Variants in PCDHA5 observed in about 807,000 individuals in gnomAD.
PCDHA5 encodes protocadherin alpha 5, also known as protocadherin alpha-5.
In PCDHA5, 43 loss-of-function variants were observed where a neutral mutation model predicts 61.6. The observed-to-expected ratio is 0.70, with a 90% confidence interval of 0.55 to 0.90. PCDHA5 has a LOEUF of 0.90. Ranked by LOEUF, PCDHA5 falls within the 40% of genes least tolerant of loss-of-function variation. The probability of loss-of-function intolerance (pLI) is 0.00; values close to 1 mark genes in which losing one functional copy is unlikely to be tolerated. For missense variants in PCDHA5, 1,298 were observed against 1,222.7 expected, an observed-to-expected ratio of 1.06 and a Z score of -0.92; for synonymous variants, 627 against 543.9, an observed-to-expected ratio of 1.15 and a Z score of -2.13.
chr5:140,941,194 TC>T lies in PCDHA5; in HGVS notation c.2353-37754del, dbSNP rs1420421121. 9.3e-3 allele frequency among the ~76,000 whole-genome samples: 1,044 copies of T among 112,328 alleles called. 8 individuals carry two copies. The highest frequency in any genetic ancestry group is 0.018 in the Admixed American group (200 of 11,012). 73.7% of individuals were successfully genotyped at this position (112,328 alleles called of 152,430 possible). The stretch of plus-strand genomic sequence containing the variant: ...CTTGAACATCCTGCTTCTTTTTTTT[TC>T]TTTCTTCCTTTCTTTCTTCCTTTCT... On this transcript the variant is annotated intron_variant, in intron 1 of 3. Coordinates refer to ENST00000529859, the MANE Select transcript of PCDHA5 (RefSeq NM_018908.3).
chr5:140,842,413 A>G (rs1206715629), intron 1 of PCDHA5: 5 of 1,613,082 alleles, frequency 3.1e-6, no homozygotes, highest in East Asian at 2.2e-5. Flanking sequence ...AAGACGCTCA[A>G]TTTGGTACTG....
At chr5:140,876,859 T>A in intron 1 of PCDHA5, 1 of 1,614,068 alleles carries the variant, frequency 6.2e-7, no homozygotes, top group Non-Finnish European at 8.5e-7. Flanking sequence ...GTACACAGTG[T>A]TCGTGAAGGA....
Position 140,899,596 on chromosome 5 carries a change from G to A in PCDHA5, c.2352+75469G>A, listed in dbSNP as rs567280301. On this transcript the variant is annotated intron_variant, in intron 1 of 3. Transcript: ENST00000529859. ...ATTCGGTTTGCCAGTATTTTATTGA[G>A]GACTTTTGCATCAATGTTCATCAAG... Among the ~76,000 whole-genome samples the A allele has an allele frequency of 7.2e-5, 11 of 152,196 alleles. No individual in the cohort carries two copies. In the East Asian group the frequency reaches 2.1e-3, roughly 29 times the overall value.
Position 140,821,836 on chromosome 5 carries a change from G to T in PCDHA5, c.61G>T (p.Ala21Ser). ...GCTCCTGCTGCTCTGGCTTCTCCTT[G>T]CCTACTGGAAGGCAGGGAGCGGCCA... Reference protein sequence around the residue: ...SRLLLLWLLLAYWKAGSGQLH... With the variant: ...SRLLLLWLLLSYWKAGSGQLH... The change falls in exon 1 of 4, where the codon GCC becomes TCC. Residue 21 changes from alanine (A) to serine (S), a missense_variant. Coordinates refer to ENST00000529859, the MANE Select transcript of PCDHA5 (RefSeq NM_018908.3). The T allele has an allele frequency of 6.2e-7, 1 of 1,614,108 alleles. No homozygotes were observed.
chr5:140,997,133 C>A (rs1554255761), intron 3 of PCDHA5, among the ~76,000 whole-genome samples: 3 of 152,090 alleles, frequency 2.0e-5, no homozygotes, highest in Non-Finnish European at 4.4e-5. Flanking sequence ...ACAATGCCCC[C>A]ACACCCCCGC....
chr5:140,872,241 C>T (rs187831325), intron 1 of PCDHA5, among the ~76,000 whole-genome samples: 8 of 151,642 alleles, frequency 5.3e-5, no homozygotes, highest in Admixed American at 5.3e-4. Context: ...TGTCTTTATT[C>T]CTGTGATAAT....
intron 1 of PCDHA5, chr5:140,863,358 G>A (rs1432906108): frequency 8.0e-7 from 1 of 1,243,310 alleles, no homozygotes; most frequent in Non-Finnish European, 1.1e-6. Context: ...CGACGCTGCG[G>A]TGCTTGGCGC....
chr5:140,946,629 T>TATATATATATATATATATATAC (rs1367833800), intron 1 of PCDHA5, among the ~76,000 whole-genome samples: 1 of 123,274 alleles, frequency 8.1e-6, no homozygotes, highest in African/African-American at 3.0e-5. Context: ...TATATATATA[T>TATATATATATATATATATATAC]ATACAATGGA....
At chr5:140,979,817 A>G (rs1228260788) in intron 2 of PCDHA5, among the ~76,000 whole-genome samples, 1 of 152,262 alleles carries the variant, frequency 6.6e-6, no homozygotes, top group Non-Finnish European at 1.5e-5. Flanking sequence ...AAAAGGATTT[A>G]ATTTTAAAGA....
chr5:140,989,235 T>G (rs1408596966), intron 3 of PCDHA5, among the ~76,000 whole-genome samples: 1 of 152,204 alleles, frequency 6.6e-6, no homozygotes, highest in Non-Finnish European at 1.5e-5. Context: ...AGCTGAAGTT[T>G]TAAGCCCCTT....
chr5:140,871,044 A>G, intron 1 of PCDHA5: 1 of 1,613,304 alleles, frequency 6.2e-7, no homozygotes, highest in Non-Finnish European at 8.5e-7. Flanking sequence ...ACCGACTTCT[A>G]GTACTGGTGA....
At chr5:140,895,341 T>C (rs996566433) in intron 1 of PCDHA5, among the ~76,000 whole-genome samples, 5 of 152,186 alleles carry the variant, frequency 3.3e-5, no homozygotes, top group African/African-American at 1.2e-4. Flanking sequence ...TGTTTTACTA[T>C]GCTTTCCAGT....
At chr5:140,972,708 G>C (rs1309799075) in intron 1 of PCDHA5, among the ~76,000 whole-genome samples, 1 of 146,140 alleles carries the variant, frequency 6.8e-6, no homozygotes, top group East Asian at 2.0e-4. Context: ...TCTGTTGCCA[G>C]GCTGGAGTGC....
chr5:141,009,706 C>G lies in PCDHA5; in HGVS notation c.2580C>G (p.Gly860=). Reference sequence around the variant, plus strand: ...GCTGGACCTTTAAATACGGACCAGGCAACCCCAAACAATCCGGTCCCGGTG... The same window carrying G: ...GCTGGACCTTTAAATACGGACCAGGGAACCCCAAACAATCCGGTCCCGGTG... ...SNSWTFKYGP[G]NPKQSGPGEL... The change falls in exon 4 of 4, where the codon GGC becomes GGG. Residue 860 remains glycine, a synonymous_variant. Transcript: ENST00000529859. 1 of 1,614,118 alleles carries G rather than the reference C, an allele frequency of 6.2e-7. No homozygotes were observed. Among genetic ancestry groups the G allele is most frequent in the Non-Finnish European group, 8.5e-7 (1 of 1,180,020 alleles).
chr5:140,823,533 G>C lies in PCDHA5; in HGVS notation c.1758G>C (p.Ala586=). 1 of 1,613,766 alleles carries C rather than the reference G, an allele frequency of 6.2e-7. No homozygotes were observed. Among genetic ancestry groups the C allele is most frequent in the Non-Finnish European group, 8.5e-7 (1 of 1,179,860 alleles). ...VSELVPRSVG[A]GHVVAKVRAV... ...AGCTGGTGCCGAGGTCAGTGGGTGCGGGCCACGTGGTGGCGAAGGTGCGCG... is the reference window on the plus strand; with the variant it reads ...AGCTGGTGCCGAGGTCAGTGGGTGCCGGCCACGTGGTGGCGAAGGTGCGCG... Residue 586 remains alanine (A), a synonymous_variant, in exon 1 of 4, where the codon GCG becomes GCC. Transcript: ENST00000529859.
At chr5:140,906,057 C>A (rs558964545) in intron 1 of PCDHA5, among the ~76,000 whole-genome samples, 7 of 152,326 alleles carry the variant, frequency 4.6e-5, no homozygotes, top group Admixed American at 2.0e-4. Context: ...GCTGCACTGG[C>A]AGCTGATTAG....
chr5:140,921,706 T>C (rs2080341352), intron 1 of PCDHA5, among the ~76,000 whole-genome samples: 1 of 152,148 alleles, frequency 6.6e-6, no homozygotes, highest in Non-Finnish European at 1.5e-5. Flanking sequence ...TTTTAAACAG[T>C]AAACACACGA....
At chr5:140,890,781 A>G (rs2153431855) in intron 1 of PCDHA5, among the ~76,000 whole-genome samples, 1 of 152,280 alleles carries the variant, frequency 6.6e-6, no homozygotes, top group African/African-American at 2.4e-5. Context: ...ACCCCATAAG[A>G]TATTAGTATT....
intron 1 of PCDHA5, chr5:140,828,778 G>C (rs2150158815): frequency 1.2e-6 from 2 of 1,614,140 alleles, no homozygotes; most frequent in Non-Finnish European, 1.7e-6. Context: ...TTCAGCTGCT[G>C]GTCACAGTGC....
Sources: gnomAD v4.1 joint callset for allele counts (sites outside exome capture counted in the v4.1 genomes callset) on GRCh38, gnomAD v4.1.1 for gene constraint, MANE v1.5 for transcripts, NCBI Gene and HGNC (gene_info 2026-07-23, HGNC 2026-07-21) for gene names.